PIK3C2A: variants seen among roughly 807,000 people sequenced by gnomAD.
PIK3C2A encodes the protein phosphatidylinositol-4-phosphate 3-kinase catalytic subunit type 2 alpha.
Under a neutral mutation model 204.5 loss-of-function variants are expected in PIK3C2A, and 97 were observed. The ratio of observed to expected loss-of-function variants is 0.47; its 90% CI spans 0.40 to 0.56. PIK3C2A has a LOEUF of 0.56. PIK3C2A is among the 20% of genes least tolerant of loss of function. The pLI is 0.00. For synonymous variants in PIK3C2A, 653 were observed against 664.4 expected, an observed-to-expected ratio of 0.98 and a Z score of 0.26; for missense variants, 1,735 against 1,969.2, an observed-to-expected ratio of 0.88 and a Z score of 2.25.
chr11:17,165,718 T>C (rs1448641427), intron 2 of PIK3C2A, among the ~76,000 whole-genome samples: 1 of 132,848 alleles, frequency 7.5e-6, no homozygotes, highest in Non-Finnish European at 1.5e-5. Flanking sequence ...GAGGTTGCGG[T>C]GAGCTGAGAT....
intron 13 of PIK3C2A, among the ~76,000 whole-genome samples, chr11:17,127,310 G>T (rs892451446): frequency 1.3e-5 from 2 of 149,260 alleles, no homozygotes; most frequent in Non-Finnish European, 3.0e-5. Flanking sequence ...ATAAATATGT[G>T]TTTTTTTTTT....
At chr11:17,160,821 C>T (rs992881788) in intron 2 of PIK3C2A, among the ~76,000 whole-genome samples, 3 of 151,984 alleles carry the variant, frequency 2.0e-5, no homozygotes, top group Non-Finnish European at 2.9e-5. Context: ...AAGACCCTGC[C>T]TTAACAAAAC....
At chr11:17,120,073 G>C in intron 15 of PIK3C2A, 99 bp from the exon 16 acceptor site, 1 of 549,456 alleles carries the variant, frequency 1.8e-6, no homozygotes, top group Non-Finnish European at 3.0e-6. Flanking sequence ...ATTTGGGACA[G>C]CTACTTCTTC....
rs1227967998 is a variant in PIK3C2A, at chr11:17,119,937, G to A, written c.2695C>T (p.Arg899Cys). Residue 899 changes from arginine to cysteine, a missense_variant, in exon 16 of 33, where the codon CGT becomes TGT. Physicochemically the swap from Arg to Cys is radical, Grantham distance 180. Transcript: ENST00000691414. ...KEDKAFLWEK[R>C]YYCFKHPNCL... ...TTTGGGTGTTTGAAGCAATAATAAC[G>A]TTTCTCCCATAAAAAAGCTTTATCT... 1.2e-5 allele frequency: 19 copies of A among 1,599,868 alleles called. No homozygotes were observed. Among genetic ancestry groups the A allele is most frequent in the Non-Finnish European group, 1.5e-5 (18 of 1,171,480 alleles).
chr11:17,089,771 T>C lies in PIK3C2A; in HGVS notation c.5028A>G (p.Lys1676=). 1.2e-6 allele frequency: 2 copies of C among 1,613,914 alleles called. No homozygotes were observed. Among genetic ancestry groups the C allele is most frequent in the African/African-American group, 1.3e-5 (1 of 75,026 alleles). The change falls in exon 33 of 33, where the codon AAA becomes AAG. Residue 1676 remains lysine, a synonymous_variant. Coordinates refer to ENST00000691414, the MANE Select transcript of PIK3C2A (RefSeq NM_002645.4). ...ATGTTGCCGCAGTCAGCTGATACCATTTAACCGTCTCTTTGCTCAAGTTGA... is the reference window on the plus strand; with the variant it reads ...ATGTTGCCGCAGTCAGCTGATACCACTTAACCGTCTCTTTGCTCAAGTTGA... ...KDFNLSKETV[K]WYQLTAATYL is the part of the protein sequence containing the mutation.
At chr11:17,151,755 G>GT (rs1324903252) in intron 3 of PIK3C2A, among the ~76,000 whole-genome samples, 2 of 152,164 alleles carry the variant, frequency 1.3e-5, no homozygotes, top group African/African-American at 4.8e-5. Flanking sequence ...CTAGTACACA[G>GT]TAAGTGCTTT....
At chr11:17,125,022 A>G (rs1369154940) in intron 13 of PIK3C2A, among the ~76,000 whole-genome samples, 2 of 152,198 alleles carry the variant, frequency 1.3e-5, no homozygotes, top group Non-Finnish European at 2.9e-5. Context: ...TTCTAATTCT[A>G]TCAAATTAAA....
At chr11:17,098,925 C>T (rs569069980) in intron 26 of PIK3C2A, among the ~76,000 whole-genome samples, 5 of 152,252 alleles carry the variant, frequency 3.3e-5, no homozygotes, top group African/African-American at 1.2e-4. Flanking sequence ...CACAGAGTTT[C>T]GCTTTTGTTC....
chr11:17,130,154 A>G (rs1004422330), intron 12 of PIK3C2A, among the ~76,000 whole-genome samples: 1 of 152,154 alleles, frequency 6.6e-6, no homozygotes, highest in Non-Finnish European at 1.5e-5. Context: ...AAACATATAT[A>G]ATAAGTATAT....
At chr11:17,201,593 T>C (rs951683891) in intron 1 of PIK3C2A, among the ~76,000 whole-genome samples, 2 of 151,716 alleles carry the variant, frequency 1.3e-5, no homozygotes, top group African/African-American at 4.8e-5. Context: ...ACGTTTTATG[T>C]TCCCTTAGCT....
Position 17,091,431 on chromosome 11 carries a change from G to A in PIK3C2A, c.4781C>T (p.Pro1594Leu). 1 of 1,613,662 alleles carries A rather than the reference G, an allele frequency of 6.2e-7. No homozygotes were observed. Among genetic ancestry groups the A allele is most frequent in the Non-Finnish European group, 8.5e-7 (1 of 1,179,802 alleles). The change falls in exon 32 of 33, where the codon CCA becomes CTA. Residue 1594 changes from proline (P) to leucine (L), a missense_variant. Physicochemically the swap from Pro to Leu is moderately conservative, Grantham distance 98. Around this residue, in one of 6 missense-constraint regions of PIK3C2A, gnomAD observed 503 missense variants for 669.0 expected, o/e 0.75. Coordinates refer to ENST00000691414, the MANE Select transcript of PIK3C2A (RefSeq NM_002645.4). Reference protein sequence around the residue: ...LVTEDGADPNPYVKTYLLPDN... With the variant: ...LVTEDGADPNLYVKTYLLPDN... ...TGGAAGTAGGTATGTTTTGACATAT[G>A]GATTTGGGTCAGCTCCATCTTCAGT... is the stretch of plus-strand genomic sequence containing the variant.
intron 2 of PIK3C2A, among the ~76,000 whole-genome samples, chr11:17,167,786 A>ATC (rs1326223155): frequency 6.6e-6 from 1 of 152,248 alleles, no homozygotes; most frequent in Non-Finnish European, 1.5e-5. Flanking sequence ...CGTTAAAGTG[A>ATC]GAATGAGGCT....
In PIK3C2A at chr11:17,122,306, T is replaced by C. The variant is rs1227288259; in HGVS notation, c.2539A>G (p.Ile847Val). Reference protein sequence around the residue: ...QVDFPSPAFDIIYTTPQVDRS... With the variant: ...QVDFPSPAFDVIYTTPQVDRS... ...TCAACTTGAGGAGTTGTATAAATAATATCAAATGCAGGAGAAGGAAAATCA... is the reference window on the plus strand; with the variant it reads ...TCAACTTGAGGAGTTGTATAAATAACATCAAATGCAGGAGAAGGAAAATCA... The change falls in exon 15 of 33, where the codon ATT becomes GTT. Residue 847 changes from isoleucine (I) to valine (V), a missense_variant. Transcript: ENST00000691414. The C allele has an allele frequency of 6.5e-7, 1 of 1,544,850 alleles. No individual in the cohort carries two copies. The highest frequency in any genetic ancestry group is 8.9e-7 in the Non-Finnish European group (1 of 1,121,128).
intron 1 of PIK3C2A, among the ~76,000 whole-genome samples, chr11:17,201,295 G>A (rs747635858): frequency 7.2e-5 from 11 of 151,930 alleles, no homozygotes; most frequent in Admixed American, 2.6e-4. Flanking sequence ...TCAGGAGGCC[G>A]AGGCAGGCAG....
intron 1 of PIK3C2A, among the ~76,000 whole-genome samples, chr11:17,174,832 G>A (rs972837551): frequency 4.6e-5 from 7 of 152,030 alleles, no homozygotes; most frequent in African/African-American, 1.7e-4. Context: ...AACCCTGGAG[G>A]CAGAGATGGC....
rs908673334 is a variant in PIK3C2A, at chr11:17,102,188, G to A, written c.3851+474C>T. 5.9e-5 allele frequency among the ~76,000 whole-genome samples: 9 copies of A among 152,124 alleles called. No individual in the cohort carries two copies. The South Asian group carries it at 1.9e-3, about 32-fold the overall frequency. On this transcript the variant is annotated intron_variant, in intron 24 of 32. Transcript: ENST00000691414. Reference sequence around the variant, plus strand: ...ATGGTGGCTCACGCCTGTAATCCCAGCACTTTGGGAGGCCGAGGCGGGTAG... The same window carrying A: ...ATGGTGGCTCACGCCTGTAATCCCAACACTTTGGGAGGCCGAGGCGGGTAG...
intron 26 of PIK3C2A, among the ~76,000 whole-genome samples, chr11:17,099,651 C>A (rs61763083): frequency 0.034 from 5,212 of 152,214 alleles, 254 homozygotes; most frequent in African/African-American, 0.11. Context: ...TATTTTGAGG[C>A]AAATAAGTAT....
chr11:17,102,107 A>G lies in PIK3C2A; in HGVS notation c.3851+555T>C, dbSNP rs557597949. ...TCATTTCTTTCTAAGAGTTATCGCT[A>G]AGTAGATAAAAAAAATATATGTCCC... On this transcript the variant is annotated intron_variant, in intron 24 of 32. Transcript: ENST00000691414. Among the ~76,000 whole-genome samples the G allele has an allele frequency of 2.0e-5, 3 of 152,232 alleles. No individual in the cohort carries two copies. In the East Asian group the frequency reaches 5.8e-4, roughly 29 times the overall value.
intron 8 of PIK3C2A, among the ~76,000 whole-genome samples, chr11:17,144,542 T>C (rs1007554194): frequency 6.6e-6 from 1 of 152,096 alleles, no homozygotes; most frequent in Admixed American, 6.6e-5. Flanking sequence ...ATTTAAGCAT[T>C]ACTGAAAATT....
Sources: allele counts gnomAD v4.1 joint callset (sites outside exome capture counted in the v4.1 genomes callset), GRCh38; gene constraint gnomAD v4.1.1; regional missense constraint gnomAD v4.1.1; transcripts MANE v1.5; gene names NCBI Gene and HGNC (gene_info 2026-07-23, HGNC 2026-07-21).